The following TPX2 variants were observed in gnomAD, a reference collection of about 807,000 sequenced individuals.
The protein encoded by TPX2 is TPX2 microtubule nucleation factor, also known as targeting protein for Xklp2.
In TPX2, 21 loss-of-function variants were observed where a neutral mutation model predicts 93.6. That is an observed-to-expected ratio of 0.22 (90% CI 0.16 to 0.32). TPX2 has a LOEUF of 0.32. Among genes scored for constraint, TPX2 ranks in the 10% least tolerant of loss-of-function variants. The pLI is 1.00. For missense variants in TPX2, 776 were observed against 871.1 expected (o/e 0.89, Z 1.37); for synonymous variants, 281 against 298.3 (o/e 0.94, Z 0.60).
At chr20:31,789,474 T>C (rs1191664763) in intron 12 of TPX2, among the ~76,000 whole-genome samples, 1 of 152,124 alleles carries the variant, frequency 6.6e-6, no homozygotes, top group Non-Finnish European at 1.5e-5. Flanking sequence ...GTAAATATGG[T>C]AATATTAACC....
rs2061929751 is a variant in TPX2 at position 31,766,768 on chromosome 20, A to G, written c.356+86A>G. The G allele has an allele frequency of 6.0e-6, 8 of 1,326,288 alleles. No individual in the cohort carries two copies. The South Asian group carries it at 1.2e-4, about 20-fold the overall frequency. 82.2% of individuals were successfully genotyped at this position (1,326,288 alleles called of 1,614,324 possible). ...GACAGAACATCTATTATGTGTCTAT[A>G]CTGTGTTTATGGACACCTTTATGTT... On this transcript the variant is annotated intron_variant, in intron 5 of 17. Coordinates refer to ENST00000300403, the MANE Select transcript of TPX2 (RefSeq NM_012112.5).
chr20:31,788,074 A>C (rs1170513484), intron 12 of TPX2, among the ~76,000 whole-genome samples: 4 of 152,082 alleles, frequency 2.6e-5, no homozygotes, highest in Admixed American at 1.3e-4. Context: ...TTTTCCTTTC[A>C]CAGGGGATTA....
rs1353509633 is a variant in TPX2 at position 31,759,992 on chromosome 20, A to G, written c.107-65A>G. 5 of 1,586,584 alleles carry G rather than the reference A, an allele frequency of 3.2e-6. No individual in the cohort carries two copies. In the African/African-American group the frequency reaches 5.5e-5, roughly 17 times the overall value. ...TAGGGAGCTTTAGTTTGCATTTTAA[A>G]TGCGTGATAGTGATTTGTTTTGCTT... On this transcript the variant is annotated intron_variant, in intron 3 of 17. Coordinates refer to ENST00000300403, the MANE Select transcript of TPX2 (RefSeq NM_012112.5).
rs1413408974 is a variant in TPX2 at position 31,742,537 on chromosome 20, C to T, written c.-177-4C>T. ...CTGTTTCATCACTTTTCTGCTTCTT[C>T]CAGGTTCTTGATACATATTTGCCAG... is the stretch of plus-strand genomic sequence containing the variant. On this transcript the variant is annotated splice_polypyrimidine_tract_variant and splice_region_variant and intron_variant, in intron 1 of 17. Coordinates refer to ENST00000300403, the MANE Select transcript of TPX2 (RefSeq NM_012112.5). 2 of 152,164 alleles carry T rather than the reference C, an allele frequency of 1.3e-5. No individual in the cohort carries two copies. The highest frequency in any genetic ancestry group is 3.9e-4 in the East Asian group (2 of 5,194). 9.4% of individuals were successfully genotyped at this position (152,164 alleles called of 1,614,324 possible). A position where few individuals can be genotyped will look rare whatever the true frequency, so the allele number is the denominator to read the frequency against.
chr20:31,777,909 T>C (rs971289104), intron 9 of TPX2, among the ~76,000 whole-genome samples: 20 of 152,056 alleles, frequency 1.3e-4, no homozygotes, highest in African/African-American at 4.8e-4. Context: ...CCCAAGTAGC[T>C]GAGATTACAG....
intron 4 of TPX2, among the ~76,000 whole-genome samples, chr20:31,762,479 A>G (rs1228435525): frequency 6.6e-6 from 1 of 152,038 alleles, no homozygotes; most frequent in East Asian, 1.9e-4. Flanking sequence ...CCTCCCAAGT[A>G]GTTGTGACTA....
At chr20:31,758,662 G>A (rs945540261) in intron 3 of TPX2, among the ~76,000 whole-genome samples, 4 of 152,142 alleles carry the variant, frequency 2.6e-5, no homozygotes, top group African/African-American at 7.2e-5. Context: ...GTACTTATCC[G>A]TATAGTGCAC....
chr20:31,760,797 TTTGAG>T (rs1376190930), intron 4 of TPX2, among the ~76,000 whole-genome samples: 4 of 152,228 alleles, frequency 2.6e-5, no homozygotes, highest in Non-Finnish European at 4.4e-5. Flanking sequence ...ACAAGAATTC[TTTGAG>T]TTATGTATCT....
At chr20:31,790,176 T>C (rs1006075057) in intron 12 of TPX2, among the ~76,000 whole-genome samples, 1 of 152,222 alleles carries the variant, frequency 6.6e-6, no homozygotes, top group Non-Finnish European at 1.5e-5. Context: ...ACCCATTTCT[T>C]GGAGTTTTGT....
At chr20:31,778,295 C>A (rs1435044432) in intron 9 of TPX2, among the ~76,000 whole-genome samples, 1 of 152,090 alleles carries the variant, frequency 6.6e-6, no homozygotes, top group East Asian at 1.9e-4. Flanking sequence ...AGATACAGGT[C>A]CTTGAAGGGT....
intron 2 of TPX2, among the ~76,000 whole-genome samples, chr20:31,754,944 G>T (rs1030436697): frequency 2.0e-5 from 3 of 151,868 alleles, no homozygotes; most frequent in Non-Finnish European, 4.4e-5. Context: ...AGCATTATAG[G>T]TTTATTTATT....
chr20:31,788,732 G>A (rs2062082556), intron 12 of TPX2, among the ~76,000 whole-genome samples: 1 of 152,224 alleles, frequency 6.6e-6, no homozygotes, highest in Non-Finnish European at 1.5e-5. Context: ...AAAGCCTTGA[G>A]CACGAGGGTG....
intron 2 of TPX2, among the ~76,000 whole-genome samples, chr20:31,750,907 TG>T (rs1326223628): frequency 6.6e-6 from 1 of 152,106 alleles, no homozygotes; most frequent in Non-Finnish European, 1.5e-5. Context: ...TTGTTGTTGT[TG>T]TTGTTGTTGT....
intron 7 of TPX2, among the ~76,000 whole-genome samples, chr20:31,774,297 C>G (rs892042093): frequency 7.2e-5 from 11 of 152,138 alleles, no homozygotes; most frequent in African/African-American, 2.7e-4. Context: ...TCCCCATTTC[C>G]CCCAACCCCC....
Position 31,792,824 on chromosome 20 carries a change from A to T in TPX2, c.1503A>T (p.Glu501Asp), listed in dbSNP as rs1397514582. 3.7e-6 allele frequency: 6 copies of T among 1,614,026 alleles called. No individual in the cohort carries two copies. Among genetic ancestry groups the T allele is most frequent in the Non-Finnish European group, 5.1e-6 (6 of 1,179,978 alleles). Residue 501 changes from glutamate to aspartate, a missense_variant, in exon 13 of 18, where the codon GAA (glutamate) becomes GAT (aspartate). Around this residue, in one of 3 missense-constraint regions of TPX2, gnomAD observed 461 missense variants for 551.2 expected, o/e 0.84. Coordinates refer to ENST00000300403, the MANE Select transcript of TPX2 (RefSeq NM_012112.5). ...LKNRIRMPTKEDEEEDEPVVI... is the reference protein window; with the variant it reads ...LKNRIRMPTKDDEEEDEPVVI... ...ACAGAATTCGAATGCCCACCAAAGA[A>T]GATGAGGTGATTCCCTGGGAGTAGG...
chr20:31,760,430 C>A (rs577852011), intron 4 of TPX2, among the ~76,000 whole-genome samples: 11 of 150,876 alleles, frequency 7.3e-5, no homozygotes, highest in African/African-American at 2.7e-4. Context: ...GTCACCCAGG[C>A]TGGTGGAGTA....
At chr20:31,783,282 G>A (rs1410727480) in intron 11 of TPX2, among the ~76,000 whole-genome samples, 1 of 151,242 alleles carries the variant, frequency 6.6e-6, no homozygotes, top group East Asian at 1.9e-4. Context: ...ATGGAGTTTC[G>A]CTCTTGTTGC....
rs1405898707 is a variant in TPX2, at chr20:31,757,538, C to G, written c.62C>G (p.Ser21Cys). 4 of 1,613,830 alleles carry G rather than the reference C, an allele frequency of 2.5e-6. No homozygotes were observed. The highest frequency in any genetic ancestry group is 3.4e-6 in the Non-Finnish European group (4 of 1,179,994). ...DAPSDFINFSSLDDEGDTQNI... is the reference protein window; with the variant it reads ...DAPSDFINFSCLDDEGDTQNI... The stretch of plus-strand genomic sequence containing the variant: ...CCCTCGGATTTCATCAATTTTTCAT[C>G]CTTGGATGATGAAGGAGATACTCAA... Residue 21 changes from serine to cysteine, a missense_variant, in exon 3 of 18, where the codon TCC becomes TGC. Physicochemically the swap from Ser to Cys is moderately radical, Grantham distance 112 (BLOSUM62 -1). Transcript: ENST00000300403.
At chr20:31,756,284 G>A (rs969873565) in intron 2 of TPX2, among the ~76,000 whole-genome samples, 1 of 152,168 alleles carries the variant, frequency 6.6e-6, no homozygotes, top group African/African-American at 2.4e-5. Context: ...AAGTGTTACA[G>A]TGGAGATATA....
Sources: gnomAD v4.1 joint callset for allele counts (sites outside exome capture counted in the v4.1 genomes callset) on GRCh38, gnomAD v4.1.1 for gene constraint, gnomAD v4.1.1 regional missense constraint, MANE v1.5 for transcripts, NCBI Gene and HGNC (gene_info 2026-07-23, HGNC 2026-07-21) for gene names.